Variants in ARRB1 observed in about 807,000 individuals in gnomAD.
The protein encoded by ARRB1 is arrestin beta 1, also known as beta-arrestin-1.
Under a neutral mutation model 56.8 loss-of-function variants are expected in ARRB1, and 21 were observed. The observed-to-expected ratio is 0.37, with a 90% confidence interval of 0.26 to 0.53. The LOEUF is 0.53. ARRB1 is among the 20% of genes least tolerant of loss of function. The probability of loss-of-function intolerance (pLI) is 0.88; values close to 1 mark genes in which losing one functional copy is unlikely to be tolerated. For missense variants in ARRB1, 424 were observed against 553.7 expected (o/e 0.77, Z 2.35); for synonymous variants, 210 against 218.6 (o/e 0.96, Z 0.35).
At chr11:75,305,018 C>CTTTTTTTTTTTTTTTTT (rs35323331) in intron 1 of ARRB1, among the ~76,000 whole-genome samples, 10 of 86,734 alleles carry the variant, frequency 1.2e-4, no homozygotes, top group Admixed American at 1.4e-4. Flanking sequence ...TTCTTTCTTT[C>CTTTTTTTTTTTTTTTTT]TTTTTTTTTT....
intron 1 of ARRB1, among the ~76,000 whole-genome samples, chr11:75,329,879 AG>A (rs923916513): frequency 2.6e-5 from 4 of 152,168 alleles, no homozygotes; most frequent in Non-Finnish European, 1.5e-5. Flanking sequence ...CTGTGCTACA[AG>A]TCTCAGCTAC....
intron 1 of ARRB1, chr11:75,335,064 G>T: frequency 5.6e-6 from 1 of 179,108 alleles, no homozygotes; most frequent in Non-Finnish European, 1.4e-5. Flanking sequence ...GTGAAGGGCT[G>T]GAAGCTGAAG....
In ARRB1 at chr11:75,261,020, C is replaced by T. The variant is rs957013649; in HGVS notation, c.*5143G>A. Reference sequence around the variant, plus strand: ...AGATAGGGGTGCAGACACAAGTCCTCAGTGGGGGATTGAGCCTGTTTCCTT... The same window carrying T: ...AGATAGGGGTGCAGACACAAGTCCTTAGTGGGGGATTGAGCCTGTTTCCTT... On this transcript the variant is annotated 3_prime_UTR_variant, in exon 16 of 16. Coordinates refer to ENST00000420843, the MANE Select transcript of ARRB1 (RefSeq NM_004041.5). 1 of 152,346 alleles carries T rather than the reference C, an allele frequency of 6.6e-6. No homozygotes were observed. Among genetic ancestry groups the T allele is most frequent in the Non-Finnish European group, 1.5e-5 (1 of 68,172 alleles). 9.4% of individuals were successfully genotyped at this position (152,346 alleles called of 1,614,324 possible).
At chr11:75,333,765 C>T (rs1046755144) in intron 1 of ARRB1, among the ~76,000 whole-genome samples, 6 of 152,148 alleles carry the variant, frequency 3.9e-5, no homozygotes, top group Admixed American at 3.9e-4. Flanking sequence ...GAAACCTAGC[C>T]GGACATCATG....
At chr11:75,298,243 A>T (rs1398373972) in intron 1 of ARRB1, among the ~76,000 whole-genome samples, 3 of 63,170 alleles carry the variant, frequency 4.7e-5, no homozygotes, top group East Asian at 3.9e-4. Flanking sequence ...AAGTATAATT[A>T]AAAAAAAAAA....
chr11:75,300,202 C>CA (rs10557397), intron 1 of ARRB1, among the ~76,000 whole-genome samples: 4,781 of 87,148 alleles, frequency 0.055, 336 homozygotes, highest in African/African-American at 0.18. Flanking sequence ...GACTCTGTCT[C>CA]AAAAAAAAAA....
intron 1 of ARRB1, among the ~76,000 whole-genome samples, chr11:75,308,822 T>A (rs1023567260): frequency 6.6e-6 from 1 of 152,100 alleles, no homozygotes; most frequent in Non-Finnish European, 1.5e-5. Context: ...CTGGTCTTGA[T>A]CTCCTGGGCG....
chr11:75,351,557 GC>G, intron 1 of ARRB1, 30 bp downstream of exon 1: 3 of 1,496,956 alleles, frequency 2.0e-6, no homozygotes, highest in Admixed American at 2.1e-5. Flanking sequence ...GCCCCCACGC[GC>G]CCCCCGCCGG....
chr11:75,296,780 C>A (rs568280726), intron 1 of ARRB1, among the ~76,000 whole-genome samples: 29 of 152,198 alleles, frequency 1.9e-4, no homozygotes, highest in African/African-American at 7.0e-4. Flanking sequence ...CAGGCTCAAG[C>A]GATTCTCCTG....
intron 10 of ARRB1, 58 bp downstream of exon 10, chr11:75,276,781 A>G (rs962091815): frequency 1.3e-6 from 2 of 1,573,902 alleles, no homozygotes; most frequent in Admixed American, 1.7e-5. Flanking sequence ...GGACACCTAG[A>G]GCTTCTCTTT....
At chr11:75,350,817 ATG>A (rs1947836956) in intron 1 of ARRB1, among the ~76,000 whole-genome samples, 1 of 152,034 alleles carries the variant, frequency 6.6e-6, no homozygotes. Flanking sequence ...ACCCTGTGTG[ATG>A]TGTGTGTTTC....
chr11:75,268,310 GC>G (rs1349221724), intron 14 of ARRB1, among the ~76,000 whole-genome samples: 1 of 151,984 alleles, frequency 6.6e-6, no homozygotes, highest in Non-Finnish European at 1.5e-5. Flanking sequence ...TTTGAGACCA[GC>G]CTGGCCAACA....
At chr11:75,266,412 TG>T in intron 15 of ARRB1, 138 bp from the exon 16 acceptor site, 1 of 684,486 alleles carries the variant, frequency 1.5e-6, no homozygotes, top group South Asian at 1.7e-5. Flanking sequence ...CTCTGGCCTC[TG>T]GGGCTGACCA....
At chr11:75,309,828 G>A (rs117959018) in intron 1 of ARRB1, among the ~76,000 whole-genome samples, 242 of 152,298 alleles carry the variant, frequency 1.6e-3, no homozygotes, top group East Asian at 6.6e-3. Context: ...AGCCAACCAA[G>A]AGCAGCTGTG....
chr11:75,300,692 C>T (rs941208560), intron 1 of ARRB1, among the ~76,000 whole-genome samples: 2 of 148,298 alleles, frequency 1.3e-5, no homozygotes, highest in African/African-American at 2.6e-5. Flanking sequence ...TAGGGCCGGG[C>T]GCGGTGGCTC....
rs146343268 is a variant in ARRB1 at position 75,299,251 on chromosome 11, A to C, written c.21-9212T>G. ...TACATCTCAATTAAAAAAAAAAACA[A>C]CTAAAAAAAGACAGAGAGAATGAAA... On this transcript the variant is annotated intron_variant, in intron 1 of 15. Coordinates refer to ENST00000420843, the MANE Select transcript of ARRB1 (RefSeq NM_004041.5). 2.9e-3 allele frequency among the ~76,000 whole-genome samples: 437 copies of C among 151,842 alleles called. 7 individuals are homozygous for C. The highest frequency in any genetic ancestry group is 0.02 in the East Asian group (104 of 5,174).
Position 75,326,297 on chromosome 11 carries a change from C to A in ARRB1, c.20+25291G>T, listed in dbSNP as rs540345304. Among the ~76,000 whole-genome samples, 100 of 152,254 alleles carry A rather than the reference C, an allele frequency of 6.6e-4. 2 individuals carry two copies. The South Asian group carries it at 0.02, about 30-fold the overall frequency. On this transcript the variant is annotated intron_variant, in intron 1 of 15. Coordinates refer to ENST00000420843, the MANE Select transcript of ARRB1 (RefSeq NM_004041.5). ...GAAAGCAGCCCAGGGCCTGGCACAG[C>A]GTGGGTGTGCAGTAAATGAACAAAT...
At chr11:75,300,479 T>C (rs1200812290) in intron 1 of ARRB1, among the ~76,000 whole-genome samples, 1 of 152,146 alleles carries the variant, frequency 6.6e-6, no homozygotes, top group African/African-American at 2.4e-5. Context: ...GACCACACTT[T>C]TAATCACTCA....
At chr11:75,326,248 G>A (rs1025294698) in intron 1 of ARRB1, among the ~76,000 whole-genome samples, 2 of 152,234 alleles carry the variant, frequency 1.3e-5, no homozygotes, top group African/African-American at 4.8e-5. Flanking sequence ...GAGGCACTGA[G>A]TCATGCTTGC....
Sources: gnomAD v4.1 joint callset for allele counts (sites outside exome capture counted in the v4.1 genomes callset) on GRCh38, gnomAD v4.1.1 for gene constraint, MANE v1.5 for transcripts, NCBI Gene and HGNC (gene_info 2026-07-23, HGNC 2026-07-21) for gene names.